KCNS3: variants seen among roughly 807,000 people sequenced by gnomAD.
KCNS3 encodes the protein potassium voltage-gated channel modifier subfamily S member 3.
A neutral mutation model predicts 31.0 loss-of-function variants in KCNS3; 13 were observed. That is an observed-to-expected ratio of 0.42 (90% CI 0.27 to 0.67). The LOEUF is 0.67. Among genes scored for constraint, KCNS3 ranks in the 30% least tolerant of loss-of-function variants. The pLI, the probability that KCNS3 is intolerant of heterozygous loss-of-function variation, is 0.25. For synonymous variants in KCNS3, 238 were observed against 241.5 expected (o/e 0.99, Z 0.13); for missense variants, 545 against 622.4 (o/e 0.88, Z 1.32).
At chr2:17,903,860 A>G (rs894302811) in intron 1 of KCNS3, among the ~76,000 whole-genome samples, 1 of 152,152 alleles carries the variant, frequency 6.6e-6, no homozygotes, top group African/African-American at 2.4e-5. Flanking sequence ...TCTATCATTG[A>G]TGGACATTTG....
chr2:17,903,815 C>T (rs971969256), intron 1 of KCNS3, among the ~76,000 whole-genome samples: 1 of 152,122 alleles, frequency 6.6e-6, no homozygotes, highest in Non-Finnish European at 1.5e-5. Context: ...GCATAGTATT[C>T]CATGGTGTAT....
At chr2:17,908,788 A>G (rs1431740208) in intron 1 of KCNS3, among the ~76,000 whole-genome samples, 1 of 152,230 alleles carries the variant, frequency 6.6e-6, no homozygotes, top group Non-Finnish European at 1.5e-5. Context: ...ATTGCTGAAC[A>G]GCAAATGTTG....
At chr2:17,892,728 G>A (rs1011930471) in intron 1 of KCNS3, among the ~76,000 whole-genome samples, 2 of 152,142 alleles carry the variant, frequency 1.3e-5, no homozygotes, top group African/African-American at 4.8e-5. Context: ...CACCCAGCGA[G>A]TCTGCCCAGC....
intron 1 of KCNS3, among the ~76,000 whole-genome samples, chr2:17,886,641 T>C (rs1024719058): frequency 2.6e-5 from 4 of 152,072 alleles, no homozygotes; most frequent in African/African-American, 7.2e-5. Context: ...GAAAGTACCA[T>C]GTATGGCAGT....
At chr2:17,929,161 A>G (rs1275120917) in intron 2 of KCNS3, among the ~76,000 whole-genome samples, 1 of 152,106 alleles carries the variant, frequency 6.6e-6, no homozygotes, top group Non-Finnish European at 1.5e-5. Context: ...GCTTCTGTCT[A>G]CCCTTCGATG....
intron 1 of KCNS3, among the ~76,000 whole-genome samples, chr2:17,914,120 G>C (rs1662535105): frequency 6.6e-6 from 1 of 152,110 alleles, no homozygotes; most frequent in Non-Finnish European, 1.5e-5. Flanking sequence ...TTTCACCTCA[G>C]GTGTCCCAGA....
At chr2:17,891,143 GT>G (rs1661846023) in intron 1 of KCNS3, among the ~76,000 whole-genome samples, 1 of 152,142 alleles carries the variant, frequency 6.6e-6, no homozygotes. Context: ...ATATTTTCCT[GT>G]GGGGCAAGGC....
At chr2:17,930,410 T>C (rs1662931170) in intron 2 of KCNS3, among the ~76,000 whole-genome samples, 1 of 152,088 alleles carries the variant, frequency 6.6e-6, no homozygotes. Flanking sequence ...GAGTAAAACA[T>C]TGGTACGCAA....
intron 1 of KCNS3, among the ~76,000 whole-genome samples, chr2:17,908,533 A>G (rs954512074): frequency 1.3e-5 from 2 of 152,004 alleles, no homozygotes; most frequent in African/African-American, 2.4e-5. Flanking sequence ...GGGGAGAGGT[A>G]CTCTGATTTT....
In KCNS3 at chr2:17,932,073, C is replaced by T; in HGVS notation, c.1065C>T (p.Thr355=). 1 of 1,614,102 alleles carries T rather than the reference C, an allele frequency of 6.2e-7. No individual in the cohort carries two copies. The highest frequency in any genetic ancestry group is 8.5e-7 in the Non-Finnish European group (1 of 1,180,008). The change falls in exon 3 of 3, where the codon ACC becomes ACT. Residue 355 remains threonine, a synonymous_variant. Transcript: ENST00000304101. ...VEKDDHTSSL[T]SIPICWWWAT... is the part of the protein sequence containing the mutation. ...AAGATGACCACACATCCAGCCTCAC[C>T]AGCATCCCCATCTGCTGGTGGTGGG...
At chr2:17,884,932 GTTTTTT>G (rs55738585) in intron 1 of KCNS3, among the ~76,000 whole-genome samples, 3 of 128,004 alleles carry the variant, frequency 2.3e-5, no homozygotes, top group Non-Finnish European at 1.7e-5. Flanking sequence ...CTTCCCTGTT[GTTTTTT>G]TTTTTTTTTT....
In KCNS3 at chr2:17,921,922, T is replaced by C. The variant is rs1271215060; in HGVS notation, c.-60+4051T>C. 3.5e-3 allele frequency among the ~76,000 whole-genome samples: 156 copies of C among 45,120 alleles called. 2 individuals carry two copies. The highest frequency in any genetic ancestry group is 5.3e-3 in the Non-Finnish European group (132 of 24,684). The allele number at this position is 45,120 out of a possible 152,430, so 29.6% of individuals were successfully genotyped here. A position where few individuals can be genotyped will look rare whatever the true frequency, so the allele number is the denominator to read the frequency against. On this transcript the variant is annotated intron_variant, in intron 2 of 2. Transcript: ENST00000304101. ...ATATATGTGTGTGTGTGTGTATATA[T>C]ATATATATATATATATATATATATA...
chr2:17,880,178 G>A (rs1323801589), intron 1 of KCNS3, among the ~76,000 whole-genome samples: 1 of 152,224 alleles, frequency 6.6e-6, no homozygotes, highest in Non-Finnish European at 1.5e-5. Flanking sequence ...GAAGGCATAT[G>A]CCCTCGTGCT....
intron 1 of KCNS3, among the ~76,000 whole-genome samples, chr2:17,913,603 A>T (rs531026913): frequency 9.8e-5 from 15 of 152,352 alleles, no homozygotes; most frequent in Admixed American, 3.3e-4. Context: ...AAATGCCATG[A>T]CTGAATTCTA....
intron 1 of KCNS3, among the ~76,000 whole-genome samples, chr2:17,917,103 A>G (rs190809472): frequency 5.4e-4 from 83 of 152,316 alleles, no homozygotes; most frequent in Middle Eastern, 3.4e-3. Context: ...CACACACTTC[A>G]TATACATAAC....
At chr2:17,912,997 T>C (rs1448013542) in intron 1 of KCNS3, among the ~76,000 whole-genome samples, 1 of 152,234 alleles carries the variant, frequency 6.6e-6, no homozygotes, top group African/African-American at 2.4e-5. Flanking sequence ...GGGATATTCT[T>C]AGTCATGCCC....
intron 2 of KCNS3, among the ~76,000 whole-genome samples, chr2:17,923,367 T>C (rs1052151351): frequency 2.0e-5 from 3 of 152,184 alleles, no homozygotes; most frequent in Admixed American, 2.0e-4. Context: ...ACTATATCCT[T>C]ATCAGATATA....
At chr2:17,901,826 A>G (rs1441712543) in intron 1 of KCNS3, among the ~76,000 whole-genome samples, 1 of 152,160 alleles carries the variant, frequency 6.6e-6, no homozygotes, top group Non-Finnish European at 1.5e-5. Context: ...TTATAAAAAT[A>G]AAATTTGTTG....
At chr2:17,930,812 C>T in intron 2 of KCNS3, 138 bp from the exon 3 acceptor site, 1 of 558,030 alleles carries the variant, frequency 1.8e-6, no homozygotes, top group Admixed American at 3.4e-5. Flanking sequence ...GAACAAAATG[C>T]ATAATAATGT....
Sources: gnomAD v4.1 joint callset for allele counts (sites outside exome capture counted in the v4.1 genomes callset) on GRCh38, gnomAD v4.1.1 for gene constraint, MANE v1.5 for transcripts, NCBI Gene and HGNC (gene_info 2026-07-23, HGNC 2026-07-21) for gene names.